The following VPS13B variants were observed in gnomAD, a reference collection of about 807,000 sequenced individuals.
VPS13B encodes intermembrane lipid transfer protein VPS13B.
A neutral mutation model predicts 426.4 loss-of-function variants in VPS13B; 285 were observed. The ratio of observed to expected loss-of-function variants is 0.67; its 90% CI spans 0.61 to 0.74. The LOEUF is 0.74. Ranked by LOEUF, VPS13B falls within the 30% of genes least tolerant of loss-of-function variation. The pLI is 0.00. For synonymous variants in VPS13B, 1,676 were observed against 1,676.4 expected (o/e 1.00, Z 0.01); for missense variants, 4,537 against 4,782.6 (o/e 0.95, Z 1.51).
At chr8:99,417,584 G>A (rs1816095459) in intron 21 of VPS13B, among the ~76,000 whole-genome samples, 1 of 151,994 alleles carries the variant, frequency 6.6e-6, no homozygotes. Context: ...TTGGAATTTA[G>A]GCCAGGAGAA....
At chr8:99,039,066 T>C (rs145096893) in intron 3 of VPS13B, among the ~76,000 whole-genome samples, 2 of 152,332 alleles carry the variant, frequency 1.3e-5, no homozygotes, top group Non-Finnish European at 2.9e-5. Context: ...TAAAGGTTGT[T>C]TTCATACAGA....
intron 58 of VPS13B, 148 bp from the exon 59 acceptor site, chr8:99,868,141 A>G: frequency 1.1e-6 from 1 of 910,478 alleles, no homozygotes; most frequent in East Asian, 2.7e-5. Context: ...GTGTACTTAG[A>G]TAACTGGTAA....
intron 33 of VPS13B, among the ~76,000 whole-genome samples, chr8:99,612,803 C>G (rs1246479314): frequency 6.6e-6 from 1 of 152,194 alleles, no homozygotes; most frequent in Non-Finnish European, 1.5e-5. Context: ...GTGACAATCT[C>G]AGACATGAAT....
In VPS13B at chr8:99,084,904, G is replaced by A. The variant is rs193274979; in HGVS notation, c.292-11408G>A. ...TGATCAATTTTGGAATAAGTGCGGC[G>A]TGGTGCTGAGAAGAATGTATATTCT... is the stretch of plus-strand genomic sequence containing the variant. On this transcript the variant is annotated intron_variant, in intron 3 of 61. Coordinates refer to ENST00000357162, the MANE Select transcript of VPS13B (RefSeq NM_152564.5). 1.1e-3 allele frequency among the ~76,000 whole-genome samples: 164 copies of A among 152,326 alleles called. 3 individuals carry two copies. Among genetic ancestry groups the A allele is most frequent in the Admixed American group, 7.7e-3 (118 of 15,296 alleles).
chr8:99,513,487 A>C (rs1821901909), intron 29 of VPS13B, among the ~76,000 whole-genome samples: 1 of 152,190 alleles, frequency 6.6e-6, no homozygotes, highest in African/African-American at 2.4e-5. Context: ...ACAGAAAAGG[A>C]AGTAAAGCAA....
intron 28 of VPS13B, 26 bp from the exon 29 acceptor site, chr8:99,511,078 A>G: frequency 6.2e-7 from 1 of 1,609,476 alleles, no homozygotes; most frequent in East Asian, 2.2e-5. Flanking sequence ...TGAACTGTGT[A>G]TTGTGATTTC....
At chr8:99,023,012 A>T (rs1841972608) in intron 2 of VPS13B, among the ~76,000 whole-genome samples, 2 of 147,478 alleles carry the variant, frequency 1.4e-5, no homozygotes, top group East Asian at 4.0e-4. Context: ...TTTCTTTTGG[A>T]CAAGGCGTTG....
chr8:99,105,801 T>C (rs1239907656), intron 5 of VPS13B, among the ~76,000 whole-genome samples: 1 of 152,230 alleles, frequency 6.6e-6, no homozygotes, highest in East Asian at 1.9e-4. Context: ...GATCAGGAGT[T>C]GGAAGATCTT....
At position 99,242,125 on chromosome 8, in the gene VPS13B, C is replaced by T. The variant is rs1320973196; in HGVS notation, c.2516-32073C>T. On this transcript the variant is annotated intron_variant, in intron 17 of 61. Coordinates refer to ENST00000357162, the MANE Select transcript of VPS13B (RefSeq NM_152564.5). Reference sequence around the variant, plus strand: ...CCTCCCAAGTAGCTGAGATTACAGGCGTCCGCCACCATGGCCAGCTAATTT... The same window carrying T: ...CCTCCCAAGTAGCTGAGATTACAGGTGTCCGCCACCATGGCCAGCTAATTT... Among the ~76,000 whole-genome samples the T allele has an allele frequency of 7.9e-5, 12 of 152,150 alleles. No individual in the cohort carries two copies. In the South Asian group the frequency reaches 8.3e-4, roughly 11 times the overall value.
chr8:99,104,557 C>T (rs542130385), intron 5 of VPS13B, among the ~76,000 whole-genome samples: 21 of 150,990 alleles, frequency 1.4e-4, no homozygotes, highest in Non-Finnish European at 2.5e-4. Flanking sequence ...CTCTCCCCAC[C>T]GTCCCCCCTC....
chr8:99,545,121 A>AC (rs201476308), intron 30 of VPS13B, among the ~76,000 whole-genome samples: 2,156 of 152,288 alleles, frequency 0.014, 45 homozygotes, highest in Non-Finnish European at 0.017. Flanking sequence ...AAACTCTGCC[A>AC]TGTAAGACTC....
chr8:99,343,541 TTCAATGCCATGCA>T (rs1210875879), intron 19 of VPS13B, among the ~76,000 whole-genome samples: 1 of 152,238 alleles, frequency 6.6e-6, no homozygotes, highest in East Asian at 1.9e-4. Flanking sequence ...TGCTTTTTAG[TTCAATGCCATGCA>T]TTTGTCTATT....
chr8:99,164,921 C>T (rs1402550020), intron 15 of VPS13B, among the ~76,000 whole-genome samples: 1 of 152,158 alleles, frequency 6.6e-6, no homozygotes, highest in Non-Finnish European at 1.5e-5. Context: ...GCTTATGCTG[C>T]TGTTCTCCCC....
chr8:99,394,273 T>C (rs1236620078), intron 21 of VPS13B, among the ~76,000 whole-genome samples: 1 of 152,194 alleles, frequency 6.6e-6, no homozygotes, highest in East Asian at 1.9e-4. Context: ...GATTTTAAGT[T>C]CATCCCCAAC....
chr8:99,780,362 G>C (rs1336348411), intron 42 of VPS13B, among the ~76,000 whole-genome samples: 1 of 152,050 alleles, frequency 6.6e-6, no homozygotes, highest in African/African-American at 2.4e-5. Flanking sequence ...CCATTATAAG[G>C]GGACTCATGT....
chr8:99,021,317 T>G (rs999863449), intron 2 of VPS13B, among the ~76,000 whole-genome samples: 1 of 152,196 alleles, frequency 6.6e-6, no homozygotes, highest in African/African-American at 2.4e-5. Context: ...TACTTTTTAA[T>G]TTTTTGAGCC....
At chr8:99,260,994 A>C (rs1336152591) in intron 17 of VPS13B, among the ~76,000 whole-genome samples, 1 of 151,992 alleles carries the variant, frequency 6.6e-6, no homozygotes, top group Non-Finnish European at 1.5e-5. Flanking sequence ...TTCACAGTAC[A>C]ATTGAGAAGA....
At chr8:99,625,529 A>G (rs765137731) in intron 33 of VPS13B, among the ~76,000 whole-genome samples, 2 of 151,802 alleles carry the variant, frequency 1.3e-5, no homozygotes, top group Non-Finnish European at 2.9e-5. Flanking sequence ...CCTGGGTAAC[A>G]TAGTGAGAAC....
intron 17 of VPS13B, among the ~76,000 whole-genome samples, chr8:99,245,303 G>A (rs1817157029): frequency 6.6e-6 from 1 of 152,140 alleles, no homozygotes; most frequent in African/African-American, 2.4e-5. Context: ...TGTGCCTTGT[G>A]CCTTGTACTT....
Sources: allele counts gnomAD v4.1 joint callset (sites outside exome capture counted in the v4.1 genomes callset), GRCh38; gene constraint gnomAD v4.1.1; transcripts MANE v1.5; gene names NCBI Gene and HGNC (gene_info 2026-07-23, HGNC 2026-07-21).